GPHN: variants seen among roughly 807,000 people sequenced by gnomAD.
GPHN encodes the protein gephyrin.
Under a neutral mutation model 95.5 loss-of-function variants are expected in GPHN, and 17 were observed. The observed-to-expected ratio is 0.18, with a 90% CI of 0.12 to 0.27. The LOEUF is 0.27. GPHN is among the 10% of genes least tolerant of loss of function. The pLI is 1.00. For missense variants in GPHN, 660 were observed against 978.1 expected (o/e 0.67, Z 4.34); for synonymous variants, 320 against 322.5 (o/e 0.99, Z 0.08).
the GPHN span, among the ~76,000 whole-genome samples, chr14:67,685,788 G>A: frequency 2.0e-5 from 3 of 151,888 alleles, no homozygotes; most frequent in African/African-American, 7.3e-5. Flanking sequence ...GCTAATTTTT[G>A]TATTTTTAGT....
intron 1 of GPHN, among the ~76,000 whole-genome samples, chr14:66,581,541 T>C (rs2061172621): frequency 6.6e-6 from 1 of 152,000 alleles, no homozygotes; most frequent in African/African-American, 2.4e-5. Context: ...AGTAAATCCT[T>C]ACCTATAAAT....
the GPHN span, among the ~76,000 whole-genome samples, chr14:67,535,698 G>T: frequency 6.6e-6 from 1 of 152,044 alleles, no homozygotes; most frequent in Non-Finnish European, 1.5e-5. Context: ...ACATCTTTGG[G>T]CCACATCTCC....
chr14:67,590,227 G>T, the GPHN span: 8 of 1,373,632 alleles, frequency 5.8e-6, no homozygotes, highest in African/African-American at 1.5e-5. Context: ...AGGGAGTGCA[G>T]TGGTGCTGCA....
In GPHN at chr14:67,053,654, C is replaced by T. The variant is rs145487846; in HGVS notation, c.1007-4995C>T. ...CTGATATCAAAACCTGGCAGAGATA[C>T]AACAAAAAAAGAAAACTTCAGGCCA... On this transcript the variant is annotated intron_variant, in intron 10 of 22. Transcript: ENST00000478722. 3.8e-3 allele frequency among the ~76,000 whole-genome samples: 572 copies of T among 152,114 alleles called. 2 individuals are homozygous for T. The highest frequency in any genetic ancestry group is 0.013 in the African/African-American group (533 of 41,498).
chr14:67,459,114 T>C, the GPHN span, among the ~76,000 whole-genome samples: 4 of 152,156 alleles, frequency 2.6e-5, no homozygotes, highest in Non-Finnish European at 5.9e-5. Flanking sequence ...GGTCTGGAAC[T>C]CCTGACCCCA....
At chr14:67,195,717 GT>G in the GPHN span, among the ~76,000 whole-genome samples, 1 of 80,690 alleles carries the variant, frequency 1.2e-5, no homozygotes, top group Non-Finnish European at 2.0e-5. Flanking sequence ...TTTTGGTTGT[GT>G]GTGTGTGTGT....
the GPHN span, chr14:67,578,552 C>CT: frequency 6.2e-7 from 1 of 1,610,874 alleles, no homozygotes; most frequent in Non-Finnish European, 8.5e-7. This position sits in a 1 kb window ranked among gnomAD's most constrained non-coding sequence, Gnocchi z 5.0. Flanking sequence ...GCTCCTCGCT[C>CT]TGTGTGCTCC....
At chr14:67,611,775 G>C in the GPHN span, among the ~76,000 whole-genome samples, 1 of 152,240 alleles carries the variant, frequency 6.6e-6, no homozygotes, top group Non-Finnish European at 1.5e-5. Flanking sequence ...CCACAGACCA[G>C]GGTGGGGGGA....
the GPHN span, among the ~76,000 whole-genome samples, chr14:67,594,263 C>T: frequency 3.9e-5 from 6 of 152,108 alleles, no homozygotes; most frequent in Non-Finnish European, 5.9e-5. Context: ...GCAGGAGGAT[C>T]GTTTGAGCCC....
chr14:66,525,300 A>C (rs1299464321), intron 1 of GPHN, among the ~76,000 whole-genome samples: 2 of 152,190 alleles, frequency 1.3e-5, no homozygotes, highest in Non-Finnish European at 2.9e-5. Flanking sequence ...TCTTCTTTTG[A>C]GAAGTGTCTG....
chr14:67,645,678 A>G, the GPHN span: 1 of 1,613,870 alleles, frequency 6.2e-7, no homozygotes, highest in South Asian at 1.1e-5. Flanking sequence ...CATGCCCGAC[A>G]CTGCCCAGAC....
the GPHN span, among the ~76,000 whole-genome samples, chr14:67,698,352 G>C: frequency 1.3e-5 from 2 of 152,348 alleles, no homozygotes; most frequent in East Asian, 3.9e-4. Flanking sequence ...TGTAGTCCCA[G>C]CTCTTTGGGA....
At chr14:66,946,409 A>AT (rs1261864849) in intron 8 of GPHN, among the ~76,000 whole-genome samples, 1 of 152,006 alleles carries the variant, frequency 6.6e-6, no homozygotes, top group African/African-American at 2.4e-5. Flanking sequence ...TAACACATTT[A>AT]TTTTTTCTTT....
chr14:66,645,824 C>CT (rs1399836958), intron 1 of GPHN, among the ~76,000 whole-genome samples: 2 of 151,850 alleles, frequency 1.3e-5, no homozygotes, highest in Non-Finnish European at 2.9e-5. Context: ...CAGACTAACC[C>CT]TATGATCTCA....
intron 1 of GPHN, among the ~76,000 whole-genome samples, chr14:66,640,637 C>G (rs1372899962): frequency 6.6e-6 from 1 of 152,092 alleles, no homozygotes; most frequent in Non-Finnish European, 1.5e-5. Flanking sequence ...TATTCAGAGA[C>G]TAAGTTTGAC....
the GPHN span, among the ~76,000 whole-genome samples, chr14:67,289,890 C>T: frequency 6.6e-6 from 1 of 151,520 alleles, no homozygotes; most frequent in African/African-American, 2.4e-5. Flanking sequence ...CCTGCCTCAG[C>T]CTCTCGAGTA....
intron 1 of GPHN, among the ~76,000 whole-genome samples, chr14:66,629,525 G>A (rs1176471972): frequency 6.6e-6 from 1 of 151,918 alleles, no homozygotes; most frequent in African/African-American, 2.4e-5. Flanking sequence ...TTAATAAGTA[G>A]GGGTACACCC....
At chr14:67,383,637 C>G in the GPHN span, 1 of 644,670 alleles carries the variant, frequency 1.6e-6, no homozygotes, top group Non-Finnish European at 2.6e-6. Flanking sequence ...AGCTCCAACA[C>G]TTTGAGCATT....
At chr14:66,655,972 T>C (rs2065283425) in intron 1 of GPHN, among the ~76,000 whole-genome samples, 1 of 152,156 alleles carries the variant, frequency 6.6e-6, no homozygotes, top group African/African-American at 2.4e-5. Flanking sequence ...TATAGTTCTT[T>C]TTATATGTAA....
Sources: allele counts gnomAD v4.1 joint callset (sites outside exome capture counted in the v4.1 genomes callset), GRCh38; gene constraint gnomAD v4.1.1; non-coding constraint Gnocchi (gnomAD v3.1); transcripts MANE v1.5; gene names NCBI Gene and HGNC (gene_info 2026-07-23, HGNC 2026-07-21).